LDB1: variants seen among roughly 807,000 people sequenced by gnomAD.
LDB1 encodes the protein LIM domain binding 1, also known as LIM domain-binding protein 1.
Under a neutral mutation model 49.7 loss-of-function variants are expected in LDB1, and 6 were observed. The observed-to-expected ratio is 0.12, with a 90% confidence interval of 0.07 to 0.24. LDB1 has a LOEUF of 0.24. Among genes scored for constraint, LDB1 ranks in the 10% least tolerant of loss-of-function variants. LDB1 has a pLI of 1.00. For synonymous variants in LDB1, 233 were observed against 202.0 expected, an observed-to-expected ratio of 1.15 and a Z score of -1.30; for missense variants, 341 against 561.7, an observed-to-expected ratio of 0.61 and a Z score of 3.97.
chr10:102,102,969 C>T (rs988268703), downstream of LDB1, among the ~76,000 whole-genome samples: 19 of 152,024 alleles, frequency 1.2e-4, no homozygotes, highest in Non-Finnish European at 2.8e-4. Context: ...GGGCACAGTC[C>T]CACTATGCCC....
intron 1 of LDB1, chr10:102,114,492 GA>G: frequency 1.0e-6 from 1 of 986,298 alleles, no homozygotes; most frequent in Non-Finnish European, 1.2e-6. Flanking sequence ...CTGACGGGGG[GA>G]CAACTTCAGC....
At chr10:102,114,666 C>T in intron 1 of LDB1, 1 of 910,228 alleles carries the variant, frequency 1.1e-6, no homozygotes, top group Non-Finnish European at 1.3e-6. Flanking sequence ...GGGGGCCGGC[C>T]TGGGGGGCGG....
chr10:102,111,130 T>C lies in LDB1; in HGVS notation c.188A>G (p.Tyr63Cys), dbSNP rs755881985. Residue 63 changes from tyrosine to cysteine, a missense_variant, in exon 4 of 11, where the codon TAT (tyrosine) becomes TGT (cysteine). Physicochemically the swap from Tyr to Cys is radical, Grantham distance 194 (BLOSUM62 -2). Coordinates refer to ENST00000673968, the MANE Select transcript of LDB1 (RefSeq NM_001113407.3). ...TATTCTGTAGTCAGTTTGGTTGCCA[T>C]ATGGTGTGTGCCTCCTGGAGGAAGT... is the stretch of plus-strand genomic sequence containing the variant. ...LEPGIGRHTP[Y>C]GNQTDYRIFE... 6.2e-7 allele frequency: 1 copy of C among 1,614,114 alleles called. No individual in the cohort carries two copies. Among genetic ancestry groups the C allele is most frequent in the Admixed American group, 1.7e-5 (1 of 60,020 alleles).
chr10:102,121,337 C>T (rs2068418813), upstream of LDB1, among the ~76,000 whole-genome samples: 2 of 152,202 alleles, frequency 1.3e-5, no homozygotes, highest in South Asian at 4.1e-4. Flanking sequence ...AAGCTGCTGT[C>T]CTTTGAGGGC....
chr10:102,120,244 C>G lies in LDB1; in HGVS notation c.-134G>C. The G allele has an allele frequency of 2.0e-6, 2 of 982,888 alleles. No homozygotes were observed. Among genetic ancestry groups the G allele is most frequent in the Non-Finnish European group, 2.4e-6 (2 of 829,090 alleles). 60.9% of individuals were successfully genotyped at this position (982,888 alleles called of 1,614,324 possible). On this transcript the variant is annotated 5_prime_UTR_variant, in exon 1 of 11. Transcript: ENST00000673968. Reference sequence around the variant, plus strand: ...CCGCCGGCCCGGCCCGGCCTCGGCCCGGTGCGGGCGGCCCCTGGCTGCGGC... The same window carrying G: ...CCGCCGGCCCGGCCCGGCCTCGGCCGGGTGCGGGCGGCCCCTGGCTGCGGC...
At chr10:102,111,986 C>G (rs1376201078) in intron 1 of LDB1, among the ~76,000 whole-genome samples, 4 of 152,082 alleles carry the variant, frequency 2.6e-5, no homozygotes, top group Non-Finnish European at 5.9e-5. Flanking sequence ...GGGGGCTACT[C>G]TAGGGAGCAC....
At chr10:102,110,447 A>C in intron 6 of LDB1, 82 bp downstream of exon 6, 1 of 1,383,130 alleles carries the variant, frequency 7.2e-7, no homozygotes, top group Non-Finnish European at 9.9e-7. Flanking sequence ...TCCCTGGGGA[A>C]CAGCTGTGAG....
intron 1 of LDB1, chr10:102,114,482 C>G: frequency 1.0e-6 from 1 of 986,322 alleles, no homozygotes; most frequent in African/African-American, 1.7e-5. Context: ...GGGGTGAGGG[C>G]TGACGGGGGG....
Position 102,120,240 on chromosome 10 carries a change from G to T in LDB1, c.-130C>A. ...CTCGCCGCCGGCCCGGCCCGGCCTC[G>T]GCCCGGTGCGGGCGGCCCCTGGCTG... On this transcript the variant is annotated 5_prime_UTR_variant, in exon 1 of 11. Coordinates refer to ENST00000673968, the MANE Select transcript of LDB1 (RefSeq NM_001113407.3). The T allele has an allele frequency of 1.0e-6, 1 of 982,484 alleles. No homozygotes were observed. The highest frequency in any genetic ancestry group is 4.6e-5 in the South Asian group (1 of 21,964). The allele number at this position is 982,484 out of a possible 1,614,324, so 60.9% of individuals were successfully genotyped here. A position where few individuals can be genotyped will look rare whatever the true frequency, so the allele number is the denominator to read the frequency against.
At chr10:102,110,430 T>C (rs2068234645) in intron 6 of LDB1, 99 bp downstream of exon 6, 3 of 1,267,268 alleles carry the variant, frequency 2.4e-6, no homozygotes. Flanking sequence ...CCAGTTCACA[T>C]TATGCCTCCC....
chr10:102,119,814 C>A (rs943369773), intron 1 of LDB1, among the ~76,000 whole-genome samples: 5 of 151,124 alleles, frequency 3.3e-5, no homozygotes, highest in East Asian at 1.9e-4. Context: ...GAATTTCAGC[C>A]CCCCCCAAAC....
chr10:102,118,016 A>G (rs985620032), intron 1 of LDB1, among the ~76,000 whole-genome samples: 2 of 151,914 alleles, frequency 1.3e-5, no homozygotes, highest in African/African-American at 4.8e-5. Flanking sequence ...AGAGACTCAG[A>G]CAGGCAGGCA....
intron 1 of LDB1, among the ~76,000 whole-genome samples, chr10:102,118,729 T>G (rs2068363748): frequency 6.6e-6 from 1 of 152,118 alleles, no homozygotes; most frequent in African/African-American, 2.4e-5. Context: ...AAGAACATGA[T>G]GGATCTGAAA....
downstream of LDB1, among the ~76,000 whole-genome samples, chr10:102,105,333 C>A (rs1304217580): frequency 6.6e-6 from 1 of 152,136 alleles, no homozygotes; most frequent in East Asian, 1.9e-4. Context: ...GGCAGCAGGG[C>A]ACGGCCAAGA....
rs377480491 is a variant in LDB1, at chr10:102,109,505, G to A, written c.735C>T (p.Leu245=). The change falls in exon 9 of 11, where the codon CTC becomes CTT. Residue 245 remains leucine (L), a splice_region_variant and synonymous_variant. Coordinates refer to ENST00000673968, the MANE Select transcript of LDB1 (RefSeq NM_001113407.3). This position sits in a 1 kb window ranked among gnomAD's most constrained non-coding sequence, Gnocchi z 5.8. Reference sequence around the variant, plus strand: ...CTTGCATGGGCTCGAGTATCACACAGAGCTAGGGGTAGACAAGGAGGTGGC... The same window carrying A: ...CTTGCATGGGCTCGAGTATCACACAAAGCTAGGGGTAGACAAGGAGGTGGC... ...LSNSTLNYLR[L]CVILEPMQEL... The A allele has an allele frequency of 1.9e-6, 3 of 1,614,044 alleles. No homozygotes were observed. The highest frequency in any genetic ancestry group is 2.7e-5 in the African/African-American group (2 of 74,912).
chr10:102,114,846 T>G, intron 1 of LDB1: 21 of 669,506 alleles, frequency 3.1e-5, no homozygotes, highest in Non-Finnish European at 3.6e-5. Flanking sequence ...CGGGCCCCTC[T>G]GCTGGGGGCA....
At chr10:102,103,463 C>T (rs928507285), downstream of LDB1, among the ~76,000 whole-genome samples, 5 of 151,986 alleles carry the variant, frequency 3.3e-5, no homozygotes, top group Non-Finnish European at 7.4e-5. Flanking sequence ...ACCTCAGCCT[C>T]CCAAGTAGCT....
intron 1 of LDB1, among the ~76,000 whole-genome samples, chr10:102,119,685 A>T (rs1354987005): frequency 1.4e-5 from 2 of 144,722 alleles, no homozygotes; most frequent in Non-Finnish European, 3.0e-5. Context: ...GGTAAGAGGC[A>T]ATGGGCAGCA....
chr10:102,109,084 CTGT>C lies in LDB1; in HGVS notation c.947_949del (p.Asn316del). On this transcript the variant is annotated inframe_deletion, in exon 10 of 11. Coordinates refer to ENST00000673968, the MANE Select transcript of LDB1 (RefSeq NM_001113407.3). This position sits in a 1 kb window ranked among gnomAD's most constrained non-coding sequence, Gnocchi z 5.8. ...AGCTGGGCTCTTCTTCTTGCTGTTG[CTGT>C]TGTTGGTGTTGCCACCACCAGAGCT... The C allele has an allele frequency of 6.2e-7, 1 of 1,614,076 alleles. No individual in the cohort carries two copies. The highest frequency in any genetic ancestry group is 2.2e-5 in the East Asian group (1 of 44,896).
Sources: allele counts gnomAD v4.1 joint callset (sites outside exome capture counted in the v4.1 genomes callset), GRCh38; gene constraint gnomAD v4.1.1; non-coding constraint Gnocchi (gnomAD v3.1); transcripts MANE v1.5; gene names NCBI Gene and HGNC (gene_info 2026-07-23, HGNC 2026-07-21).